Variants in SLC6A13 observed in about 807,000 individuals in gnomAD.
The protein encoded by SLC6A13 is sodium- and chloride-dependent GABA transporter 2.
Under a neutral mutation model 72.9 loss-of-function variants are expected in SLC6A13, and 69 were observed. The observed-to-expected ratio is 0.95, with a 90% CI of 0.78 to 1.16. The LOEUF is 1.16. SLC6A13 is among the 50% of genes most tolerant of loss of function. The pLI is 0.00. For synonymous variants in SLC6A13, 303 were observed against 303.0 expected (o/e 1.00, Z 0.00); for missense variants, 735 against 760.5 (o/e 0.97, Z 0.39).
At chr12:257,652 C>A (rs1290671017) in intron 2 of SLC6A13, among the ~76,000 whole-genome samples, 1 of 152,152 alleles carries the variant, frequency 6.6e-6, no homozygotes, top group Non-Finnish European at 1.5e-5. Context: ...TGTGGGTACT[C>A]TGCGTTCCCA....
At chr12:231,396 C>G (rs904043065) in intron 7 of SLC6A13, among the ~76,000 whole-genome samples, 11 of 152,242 alleles carry the variant, frequency 7.2e-5, no homozygotes, top group African/African-American at 2.2e-4. Flanking sequence ...GCACCCTTCT[C>G]AAGTGCCAGG....
At chr12:259,497 CATT>C (rs1942858703) in intron 2 of SLC6A13, 2 of 1,319,100 alleles carry the variant, frequency 1.5e-6, no homozygotes, top group East Asian at 5.8e-5. Flanking sequence ...GAAAGGCAGG[CATT>C]ATTATCTCAA....
chr12:251,607 C>T (rs1024392576), intron 2 of SLC6A13, among the ~76,000 whole-genome samples: 3 of 151,942 alleles, frequency 2.0e-5, no homozygotes, highest in African/African-American at 7.3e-5. Flanking sequence ...AATTTATAAA[C>T]CAGACATCAT....
intron 7 of SLC6A13, among the ~76,000 whole-genome samples, chr12:228,849 A>G (rs1335629482): frequency 6.6e-6 from 1 of 152,200 alleles, no homozygotes; most frequent in African/African-American, 2.4e-5. Context: ...CTAGGCCTGA[A>G]GGAGAACCCA....
At position 220,884 on chromosome 12, in the gene SLC6A13, G is replaced by A; in HGVS notation, c.*64C>T. 1 of 1,595,820 alleles carries A rather than the reference G, an allele frequency of 6.3e-7. No homozygotes were observed. On this transcript the variant is annotated 3_prime_UTR_variant, in exon 15 of 15. Coordinates refer to ENST00000343164, the MANE Select transcript of SLC6A13 (RefSeq NM_016615.5). ...CAGGGAAGCACATGGGGCTGCTTCTGCCACGTTCCCTCCACAGCCATCCCC... is the reference window on the plus strand; with the variant it reads ...CAGGGAAGCACATGGGGCTGCTTCTACCACGTTCCCTCCACAGCCATCCCC...
chr12:227,713 G>T, intron 7 of SLC6A13, 45 bp from the exon 8 acceptor site: 1 of 1,520,628 alleles, frequency 6.6e-7, no homozygotes, highest in Non-Finnish European at 9.0e-7. Flanking sequence ...AGGAAAGCCA[G>T]GCCATTCAAG....
At chr12:260,954 G>T (rs1465377282) in intron 1 of SLC6A13, among the ~76,000 whole-genome samples, 5 of 152,172 alleles carry the variant, frequency 3.3e-5, no homozygotes, top group African/African-American at 1.2e-4. Context: ...ATTGGGAGAG[G>T]TTGAGTGGGA....
At chr12:257,963 G>A (rs926254040) in intron 2 of SLC6A13, among the ~76,000 whole-genome samples, 4 of 152,170 alleles carry the variant, frequency 2.6e-5, no homozygotes, top group Admixed American at 2.6e-4. Context: ...CTGGTTACCA[G>A]GTTCCAGACC....
Position 226,404 on chromosome 12 carries a change from TCAGAAATGGGCACCC to T in SLC6A13, c.1031_1045del (p.Gly344_Ser348del), listed in dbSNP as rs1309006450. The T allele has an allele frequency of 6.2e-7, 1 of 1,613,716 alleles. No homozygotes were observed. The highest frequency in any genetic ancestry group is 8.5e-7 in the Non-Finnish European group (1 of 1,179,848). On this transcript the variant is annotated inframe_deletion, in exon 9 of 15. Transcript: ENST00000343164. ...GTAACACTCACCTGACTCGGCCACC[TCAGAAATGGGCACCC>T]CCTGCTCCTGAGACATGAAGCCCAG...
intron 7 of SLC6A13, among the ~76,000 whole-genome samples, chr12:231,023 A>C (rs1941686930): frequency 6.6e-6 from 1 of 152,256 alleles, no homozygotes; most frequent in Non-Finnish European, 1.5e-5. Flanking sequence ...TGCTTAACGC[A>C]GGGATCTAAA....
At chr12:252,049 G>A (rs559096930) in intron 2 of SLC6A13, among the ~76,000 whole-genome samples, 50 of 152,258 alleles carry the variant, frequency 3.3e-4, no homozygotes, top group Admixed American at 1.7e-3. Context: ...TCTGATAAAG[G>A]ACTTGTGTGT....
chr12:259,632 T>C (rs1002460682), intron 2 of SLC6A13: 2 of 1,428,802 alleles, frequency 1.4e-6, no homozygotes, highest in East Asian at 2.5e-5. Flanking sequence ...TGTGCTCATA[T>C]TTCTACGATG....
At chr12:244,176 A>C (rs1367067243) in intron 2 of SLC6A13, among the ~76,000 whole-genome samples, 1 of 152,262 alleles carries the variant, frequency 6.6e-6, no homozygotes, top group African/African-American at 2.4e-5. Context: ...CTTTTCAAAG[A>C]AAGCATTGCT....
At chr12:229,696 C>T (rs753906083) in intron 7 of SLC6A13, among the ~76,000 whole-genome samples, 13 of 152,220 alleles carry the variant, frequency 8.5e-5, no homozygotes, top group South Asian at 2.1e-4. Context: ...GGAGTCCTCG[C>T]GCCTTGGACA....
At chr12:243,307 G>A (rs956628520) in intron 3 of SLC6A13, among the ~76,000 whole-genome samples, 3 of 152,172 alleles carry the variant, frequency 2.0e-5, no homozygotes, top group East Asian at 1.9e-4. Flanking sequence ...GGGCCACCAC[G>A]CCCGGCCAAG....
rs951236998 is a variant in SLC6A13 at position 220,843 on chromosome 12, C to T, written c.*105G>A. On this transcript the variant is annotated 3_prime_UTR_variant, in exon 15 of 15. Coordinates refer to ENST00000343164, the MANE Select transcript of SLC6A13 (RefSeq NM_016615.5). The stretch of plus-strand genomic sequence containing the variant: ...TCCAAAATACCCCTCTTGTCTTATC[C>T]ACTCCAGGTCGGGGGCAGGGAAGCA... 7.0e-7 allele frequency: 1 copy of T among 1,421,384 alleles called. No individual in the cohort carries two copies. The highest frequency in any genetic ancestry group is 1.4e-5 in the African/African-American group (1 of 70,950). 88.0% of individuals were successfully genotyped at this position (1,421,384 alleles called of 1,614,324 possible).
At chr12:228,590 T>C (rs959674436) in intron 7 of SLC6A13, among the ~76,000 whole-genome samples, 12 of 152,258 alleles carry the variant, frequency 7.9e-5, no homozygotes, top group African/African-American at 2.9e-4. Flanking sequence ...AAACCCTCTA[T>C]CCTTTCATCA....
chr12:221,201 G>T, intron 14 of SLC6A13, 131 bp from the exon 15 acceptor site: 1 of 1,342,830 alleles, frequency 7.4e-7, no homozygotes, highest in East Asian at 2.5e-5. Flanking sequence ...CTGTCTGGGA[G>T]TCCCCCTGTG....
At chr12:223,804 A>G in intron 11 of SLC6A13, 188 bp downstream of exon 11, 2 of 619,834 alleles carry the variant, frequency 3.2e-6, no homozygotes, top group Non-Finnish European at 5.6e-6. Context: ...TGGGTGGTCC[A>G]TGCCCAAAGG....
Sources: allele counts gnomAD v4.1 joint callset (sites outside exome capture counted in the v4.1 genomes callset), GRCh38; gene constraint gnomAD v4.1.1; transcripts MANE v1.5; gene names NCBI Gene and HGNC (gene_info 2026-07-23, HGNC 2026-07-21).